Variants in KLHL2 observed in about 807,000 individuals in gnomAD.
KLHL2 encodes the protein kelch-like protein 2.
Under a neutral mutation model 75.8 loss-of-function variants are expected in KLHL2, and 15 were observed. The observed-to-expected ratio is 0.20, with a 90% CI of 0.13 to 0.30. The LOEUF (loss-of-function observed/expected upper bound fraction) is 0.30, where lower values mean the gene tolerates loss of function less well. Among genes scored for constraint, KLHL2 ranks in the 10% least tolerant of loss-of-function variants. KLHL2 has a pLI of 1.00. For missense variants in KLHL2, 381 were observed against 741.0 expected (o/e 0.51, Z 5.64); for synonymous variants, 214 against 251.9 (o/e 0.85, Z 1.42).
intron 5 of KLHL2, among the ~76,000 whole-genome samples, chr4:165,281,537 G>A (rs1040356493): frequency 7.2e-5 from 11 of 152,032 alleles, no homozygotes; most frequent in Non-Finnish European, 5.9e-5. Context: ...GGATGGTCTC[G>A]ATCTCCTGAC....
intron 4 of KLHL2, among the ~76,000 whole-genome samples, chr4:165,258,349 G>C (rs1741359293): frequency 6.9e-6 from 1 of 144,300 alleles, no homozygotes; most frequent in African/African-American, 2.6e-5. Context: ...CAAGAGTACT[G>C]TATAGAAATC....
At chr4:165,226,564 T>G (rs1054607648) in intron 2 of KLHL2, among the ~76,000 whole-genome samples, 2 of 152,174 alleles carry the variant, frequency 1.3e-5, no homozygotes, top group Non-Finnish European at 2.9e-5. Flanking sequence ...TCTGCTCGTC[T>G]TCTTAAGGGC....
chr4:165,267,532 A>G (rs1003467739), intron 5 of KLHL2, among the ~76,000 whole-genome samples: 6 of 152,116 alleles, frequency 3.9e-5, no homozygotes, highest in African/African-American at 1.4e-4. Flanking sequence ...GGGCTGTTGA[A>G]TTTTGTCAAA....
At chr4:165,311,626 C>A in intron 11 of KLHL2, 61 bp downstream of exon 11, 1 of 1,177,842 alleles carries the variant, frequency 8.5e-7, no homozygotes, top group Non-Finnish European at 1.2e-6. Context: ...GTGGTTCTTC[C>A]AGTAATCTCA....
At chr4:165,249,806 G>T (rs997478682) in intron 4 of KLHL2, among the ~76,000 whole-genome samples, 6 of 152,126 alleles carry the variant, frequency 3.9e-5, no homozygotes, top group Non-Finnish European at 8.8e-5. Context: ...TAATAATGTG[G>T]ACCATTTTAA....
chr4:165,229,202 T>C (rs1366378826), intron 3 of KLHL2, among the ~76,000 whole-genome samples: 1 of 152,248 alleles, frequency 6.6e-6, no homozygotes. Context: ...GGCACTTTAT[T>C]ATTTTGACAA....
chr4:165,217,434 C>T (rs1200283262), intron 1 of KLHL2, among the ~76,000 whole-genome samples: 1 of 152,142 alleles, frequency 6.6e-6, no homozygotes, highest in Admixed American at 6.5e-5. Context: ...CTTTTCCTTT[C>T]TTAGACTGGG....
chr4:165,245,669 T>G (rs1297037424), intron 4 of KLHL2, among the ~76,000 whole-genome samples: 1 of 152,126 alleles, frequency 6.6e-6, no homozygotes, highest in Admixed American at 6.5e-5. Flanking sequence ...AACACTGATA[T>G]GGTGCCCAAT....
At position 165,253,280 on chromosome 4, in the gene KLHL2, C is replaced by T. The variant is rs949181875; in HGVS notation, c.382-9917C>T. 2.2e-4 allele frequency among the ~76,000 whole-genome samples: 34 copies of T among 152,178 alleles called. 1 individual carries two copies. The highest frequency in any genetic ancestry group is 5.1e-4 in the African/African-American group (21 of 41,514). On this transcript the variant is annotated intron_variant, in intron 4 of 14. Transcript: ENST00000226725. ...AACTCCTGATCTCAGGTGATCCAAC[C>T]GCCTCGGCCTCCCAAAGTGCTGGGA...
intron 1 of KLHL2, among the ~76,000 whole-genome samples, chr4:165,214,238 A>G (rs1436274829): frequency 6.6e-6 from 1 of 152,200 alleles, no homozygotes; most frequent in African/African-American, 2.4e-5. Flanking sequence ...AGAGGGGCAA[A>G]GGAAAAGTCA....
intron 4 of KLHL2, among the ~76,000 whole-genome samples, chr4:165,261,507 A>G (rs928252769): frequency 6.6e-6 from 1 of 151,876 alleles, no homozygotes; most frequent in Non-Finnish European, 1.5e-5. Context: ...CACCCAGCTA[A>G]TTTTTGTATT....
At chr4:165,248,156 G>T (rs1740411315) in intron 4 of KLHL2, among the ~76,000 whole-genome samples, 1 of 152,216 alleles carries the variant, frequency 6.6e-6, no homozygotes, top group African/African-American at 2.4e-5. Flanking sequence ...TCTAGAGCAA[G>T]ACTACATGAG....
intron 5 of KLHL2, among the ~76,000 whole-genome samples, chr4:165,267,342 C>T (rs1742318533): frequency 6.6e-6 from 1 of 152,202 alleles, no homozygotes; most frequent in Admixed American, 6.5e-5. Flanking sequence ...GAACTTCCAA[C>T]ACTATGTGGA....
chr4:165,213,523 C>CGAT (rs1188659915), intron 1 of KLHL2, among the ~76,000 whole-genome samples: 1 of 152,220 alleles, frequency 6.6e-6, no homozygotes, highest in African/African-American at 2.4e-5. Context: ...AGCCCCATCT[C>CGAT]CTTCACCAAG....
intron 4 of KLHL2, among the ~76,000 whole-genome samples, chr4:165,256,842 G>A (rs546188190): frequency 1.8e-4 from 27 of 152,164 alleles, no homozygotes; most frequent in African/African-American, 5.8e-4. Flanking sequence ...ACTGTTTGTT[G>A]TTATGTACAC....
At chr4:165,283,653 A>T (rs189155083) in intron 5 of KLHL2, among the ~76,000 whole-genome samples, 1 of 152,168 alleles carries the variant, frequency 6.6e-6, no homozygotes, top group African/African-American at 2.4e-5. Flanking sequence ...CACATGGTGC[A>T]GGCTATCAGT....
chr4:165,270,593 T>C (rs1438892887), intron 5 of KLHL2, among the ~76,000 whole-genome samples: 1 of 152,200 alleles, frequency 6.6e-6, no homozygotes, highest in Non-Finnish European at 1.5e-5. Context: ...TGCAGGTCTG[T>C]TGGAGTTTGC....
chr4:165,207,593 C>A lies in KLHL2; in HGVS notation c.-284C>A, dbSNP rs1194659846. 1 of 149,642 alleles carries A rather than the reference C, an allele frequency of 6.7e-6. No individual in the cohort carries two copies. The highest frequency in any genetic ancestry group is 1.8e-4 in the South Asian group (1 of 5,536). 9.3% of individuals were successfully genotyped at this position (149,642 alleles called of 1,614,324 possible). A position where few individuals can be genotyped will look rare whatever the true frequency, so the allele number is the denominator to read the frequency against. On this transcript the variant is annotated 5_prime_UTR_variant, in exon 1 of 15. Coordinates refer to ENST00000226725, the MANE Select transcript of KLHL2 (RefSeq NM_007246.4). This position sits in a 1 kb window ranked among gnomAD's most constrained non-coding sequence, Gnocchi z 4.2. ...TCACAGCGTCGGCGCCGGCCGGGGC[C>A]GAACCCGGAAGTGGCCGAGCCCGCG...
rs557753477 is a variant in KLHL2 at position 165,323,094 on chromosome 4, A to G, written c.*1034A>G. 4 of 152,656 alleles carry G rather than the reference A, an allele frequency of 2.6e-5. No homozygotes were observed. The highest frequency in any genetic ancestry group is 5.9e-5 in the Non-Finnish European group (4 of 68,026). 9.5% of individuals were successfully genotyped at this position (152,656 alleles called of 1,614,324 possible). A position where few individuals can be genotyped will look rare whatever the true frequency, so the allele number is the denominator to read the frequency against. On this transcript the variant is annotated 3_prime_UTR_variant, in exon 15 of 15. Transcript: ENST00000226725. ...GATCTTCAATTAATCTCACTTTAAA[A>G]ATGACCAAAACATGTCTTTCTTGAA... is the stretch of plus-strand genomic sequence containing the variant.
Sources: gnomAD v4.1 joint callset for allele counts (sites outside exome capture counted in the v4.1 genomes callset) on GRCh38, gnomAD v4.1.1 for gene constraint, Gnocchi (gnomAD v3.1) non-coding constraint, MANE v1.5 for transcripts, NCBI Gene and HGNC (gene_info 2026-07-23, HGNC 2026-07-21) for gene names.